The following SLC2A12 variants were observed in gnomAD, a reference collection of about 807,000 sequenced individuals.
SLC2A12 encodes the protein solute carrier family 2, facilitated glucose transporter member 12.
SLC2A12 carries 23 observed loss-of-function variants against 41.8 expected under a neutral mutation model. The ratio of observed to expected loss-of-function variants is 0.55; its 90% CI spans 0.40 to 0.78. The LOEUF is 0.78. Ranked by LOEUF, SLC2A12 falls within the 30% of genes least tolerant of loss-of-function variation. The pLI, the probability that SLC2A12 is intolerant of heterozygous loss-of-function variation, is 0.00. For missense variants in SLC2A12, 654 were observed against 745.6 expected, an observed-to-expected ratio of 0.88 and a Z score of 1.43; for synonymous variants, 295 against 285.9, an observed-to-expected ratio of 1.03 and a Z score of -0.32.
chr6:134,034,743 C>T (rs1477386449), intron 1 of SLC2A12, among the ~76,000 whole-genome samples: 1 of 152,126 alleles, frequency 6.6e-6, no homozygotes. Flanking sequence ...TGGGCAGCCA[C>T]GTGGACTGAG....
intron 4 of SLC2A12, among the ~76,000 whole-genome samples, chr6:133,998,137 C>T (rs1239757556): frequency 6.6e-6 from 1 of 152,142 alleles, no homozygotes; most frequent in East Asian, 1.9e-4. Flanking sequence ...AAAACATTTC[C>T]TAAGTCAGAA....
chr6:134,051,081 A>ATT (rs1239984090), intron 1 of SLC2A12, among the ~76,000 whole-genome samples: 1 of 151,880 alleles, frequency 6.6e-6, no homozygotes, highest in Non-Finnish European at 1.5e-5. Context: ...TGCTCAGCTA[A>ATT]TTTTTTTATT....
At chr6:134,049,494 G>A (rs562273790) in intron 1 of SLC2A12, among the ~76,000 whole-genome samples, 2 of 152,138 alleles carry the variant, frequency 1.3e-5, no homozygotes, top group Admixed American at 6.5e-5. Context: ...ACCGTGGGCC[G>A]ATCACACATC....
chr6:134,050,596 A>G (rs529357967), intron 1 of SLC2A12, among the ~76,000 whole-genome samples: 1 of 152,214 alleles, frequency 6.6e-6, no homozygotes, highest in Non-Finnish European at 1.5e-5. Flanking sequence ...ATATCAAAAT[A>G]AACAGTCCAT....
At chr6:134,018,847 G>A (rs745429722) in intron 2 of SLC2A12, among the ~76,000 whole-genome samples, 2 of 152,082 alleles carry the variant, frequency 1.3e-5, no homozygotes, top group Non-Finnish European at 2.9e-5. Context: ...TGTTGTGGGT[G>A]AGCAAGACAC....
At chr6:134,044,897 G>T (rs1404773867) in intron 1 of SLC2A12, among the ~76,000 whole-genome samples, 3 of 152,078 alleles carry the variant, frequency 2.0e-5, no homozygotes, top group Non-Finnish European at 4.4e-5. Flanking sequence ...TGAACTATGT[G>T]CCAGCACTGT....
intron 2 of SLC2A12, among the ~76,000 whole-genome samples, chr6:134,011,753 A>G (rs1484447263): frequency 6.6e-6 from 1 of 151,972 alleles, no homozygotes; most frequent in East Asian, 1.9e-4. Context: ...TAAATAAAAC[A>G]AAAATAGGCC....
chr6:134,021,437 C>T (rs1362159018), intron 2 of SLC2A12, among the ~76,000 whole-genome samples: 1 of 152,172 alleles, frequency 6.6e-6, no homozygotes, highest in Non-Finnish European at 1.5e-5. Context: ...TAACTACATT[C>T]TGGTTAATAA....
At chr6:133,997,085 CAAAAAAAAAAAAAAAAAAAAA>C (rs58295985) in intron 4 of SLC2A12, among the ~76,000 whole-genome samples, 1 of 70,716 alleles carries the variant, frequency 1.4e-5, no homozygotes, top group Non-Finnish European at 2.6e-5. Context: ...ACTAAAAATA[CAAAAAAAAAAAAAAAAAAAAA>C]AAAAGCCGGG....
chr6:133,996,783 A>G (rs72984203), intron 4 of SLC2A12, among the ~76,000 whole-genome samples: 12,469 of 152,032 alleles, frequency 0.082, 710 homozygotes, highest in African/African-American at 0.17. Context: ...GCTTTCTACC[A>G]CCTCGCATTT....
intron 1 of SLC2A12, among the ~76,000 whole-genome samples, chr6:134,030,093 C>T (rs777557362): frequency 3.3e-5 from 5 of 152,134 alleles, no homozygotes; most frequent in African/African-American, 7.2e-5. Flanking sequence ...TTCAAAGAGC[C>T]TGACTCTTTG....
chr6:134,005,129 C>G (rs562444232), intron 3 of SLC2A12, among the ~76,000 whole-genome samples: 6 of 152,270 alleles, frequency 3.9e-5, no homozygotes, highest in African/African-American at 1.4e-4. Context: ...AAGGCGAATG[C>G]TTCTGTTTCT....
At position 134,033,487 on chromosome 6, in the gene SLC2A12, A is replaced by G. The variant is rs1037886072; in HGVS notation, c.104-3766T>C. Among the ~76,000 whole-genome samples the G allele has an allele frequency of 4.6e-5, 7 of 151,834 alleles. No individual in the cohort carries two copies. In the East Asian group the frequency reaches 5.8e-4, roughly 13 times the overall value. ...CTGCTTGTCATTGTTCATTTTTTCT[A>G]TGTTTGCTGTGTTGATTAGTGTATG... On this transcript the variant is annotated intron_variant, in intron 1 of 4. Coordinates refer to ENST00000275230, the MANE Select transcript of SLC2A12 (RefSeq NM_145176.3).
intron 1 of SLC2A12, among the ~76,000 whole-genome samples, chr6:134,051,774 C>G (rs1237322108): frequency 6.6e-6 from 1 of 152,174 alleles, no homozygotes; most frequent in Non-Finnish European, 1.5e-5. Context: ...AAGGCAGAAC[C>G]CAGCAAAGCA....
intron 1 of SLC2A12, among the ~76,000 whole-genome samples, chr6:134,032,792 T>TTATATATA (rs10632688): frequency 2.2e-5 from 3 of 138,020 alleles, no homozygotes; most frequent in African/African-American, 5.4e-5. Flanking sequence ...TATATATATA[T>TTATATATA]TATATATATA....
chr6:134,043,727 G>C (rs1036315816), intron 1 of SLC2A12, among the ~76,000 whole-genome samples: 8 of 149,076 alleles, frequency 5.4e-5, no homozygotes, highest in Non-Finnish European at 1.0e-4. Context: ...GGGAGGCAGA[G>C]GTTGCAGTGA....
At chr6:134,036,618 A>G (rs1777304070) in intron 1 of SLC2A12, among the ~76,000 whole-genome samples, 2 of 152,142 alleles carry the variant, frequency 1.3e-5, no homozygotes, top group Non-Finnish European at 2.9e-5. Flanking sequence ...TAAATACTCA[A>G]TGTTTGTCGA....
intron 2 of SLC2A12, among the ~76,000 whole-genome samples, chr6:134,021,067 T>C (rs1777034071): frequency 6.6e-6 from 1 of 152,248 alleles, no homozygotes; most frequent in African/African-American, 2.4e-5. Flanking sequence ...TCCTGCATCT[T>C]TTCTTACAGC....
chr6:134,050,354 ACATT>A (rs1482017466), intron 1 of SLC2A12, among the ~76,000 whole-genome samples: 16 of 152,372 alleles, frequency 1.1e-4, no homozygotes, highest in Admixed American at 7.8e-4. Context: ...TTTTAAGGAA[ACATT>A]CAGGCTTTCT....
Sources: gnomAD v4.1 joint callset for allele counts (sites outside exome capture counted in the v4.1 genomes callset) on GRCh38, gnomAD v4.1.1 for gene constraint, MANE v1.5 for transcripts, NCBI Gene and HGNC (gene_info 2026-07-23, HGNC 2026-07-21) for gene names.